Variants in DAB1 observed in about 807,000 individuals in gnomAD.
DAB1 encodes the protein disabled homolog 1.
A neutral mutation model predicts 64.6 loss-of-function variants in DAB1; 15 were observed. The ratio of observed to expected loss-of-function variants is 0.23; its 90% CI spans 0.16 to 0.36. The LOEUF is 0.36. Ranked by LOEUF, DAB1 falls within the 10% of genes least tolerant of loss-of-function variation. DAB1 has a pLI of 1.00. For synonymous variants in DAB1, 235 were observed against 251.9 expected (o/e 0.93, Z 0.64); for missense variants, 596 against 706.7 (o/e 0.84, Z 1.78).
At chr1:57,739,331 T>G (rs1457562734) in intron 6 of DAB1, among the ~76,000 whole-genome samples, 2 of 151,652 alleles carry the variant, frequency 1.3e-5, no homozygotes, top group African/African-American at 4.8e-5. Context: ...TTTCTGTTAC[T>G]ATCTTTCTCA....
At chr1:58,021,968 G>A (rs1646821662) in intron 5 of DAB1, among the ~76,000 whole-genome samples, 2 of 152,150 alleles carry the variant, frequency 1.3e-5, no homozygotes, top group African/African-American at 4.8e-5. Flanking sequence ...CTCTTATAAA[G>A]CTATTCCTGA....
intron 2 of DAB1, among the ~76,000 whole-genome samples, chr1:57,204,126 G>A (rs1057168296): frequency 2.0e-5 from 3 of 152,112 alleles, no homozygotes; most frequent in African/African-American, 7.2e-5. Flanking sequence ...CTGACCTCAA[G>A]TGGTCTGCCC....
intron 3 of DAB1, among the ~76,000 whole-genome samples, chr1:58,350,683 C>T (rs191994381): frequency 4.5e-4 from 69 of 152,218 alleles, no homozygotes; most frequent in African/African-American, 1.6e-3. Context: ...TATGCCTAGC[C>T]AGTTTTCCCA....
At chr1:57,994,315 C>G (rs1646393287) in intron 5 of DAB1, among the ~76,000 whole-genome samples, 2 of 152,168 alleles carry the variant, frequency 1.3e-5, no homozygotes, top group African/African-American at 4.8e-5. Context: ...AGGAAAGAAT[C>G]TGAGATCAGA....
At chr1:58,164,388 C>A (rs1655709663) in intron 4 of DAB1, among the ~76,000 whole-genome samples, 1 of 152,088 alleles carries the variant, frequency 6.6e-6, no homozygotes, top group Non-Finnish European at 1.5e-5. Flanking sequence ...GAGTATGTGT[C>A]AGCAAAGAAC....
intron 6 of DAB1, among the ~76,000 whole-genome samples, chr1:57,762,456 C>A (rs1295763731): frequency 3.3e-5 from 5 of 151,914 alleles, no homozygotes; most frequent in Non-Finnish European, 5.9e-5. Context: ...CTAAACTAAA[C>A]GGGGAGGCAA....
downstream of DAB1, among the ~76,000 whole-genome samples, chr1:57,823,221 G>A (rs1652199355): frequency 6.6e-6 from 1 of 152,036 alleles, no homozygotes; most frequent in South Asian, 2.1e-4. Flanking sequence ...CTGACCTCGT[G>A]ATCCGCCCAC....
At chr1:57,778,779 G>A (rs528348452) in intron 6 of DAB1, among the ~76,000 whole-genome samples, 4 of 152,172 alleles carry the variant, frequency 2.6e-5, no homozygotes, top group South Asian at 2.1e-4. Context: ...TGTAATGACT[G>A]TGTGATCTAA....
intron 7 of DAB1, among the ~76,000 whole-genome samples, chr1:57,484,169 G>C (rs1644060753): frequency 6.6e-6 from 1 of 152,126 alleles, no homozygotes; most frequent in Non-Finnish European, 1.5e-5. Context: ...ATCAAGTGCT[G>C]AGTCACCATC....
chr1:57,682,053 G>A (rs977983648), intron 6 of DAB1, among the ~76,000 whole-genome samples: 15 of 152,228 alleles, frequency 9.9e-5, no homozygotes, highest in Middle Eastern at 3.4e-3. Context: ...TAGGCAGCCA[G>A]GGGTGATTAG....
chr1:57,456,714 T>G (rs1346607470), intron 7 of DAB1, among the ~76,000 whole-genome samples: 1 of 152,088 alleles, frequency 6.6e-6, no homozygotes, highest in Admixed American at 6.6e-5. Flanking sequence ...ATTGAGTTAT[T>G]TTAAAATATA....
chr1:57,791,774 T>C (rs1032448291), intron 6 of DAB1, among the ~76,000 whole-genome samples: 9 of 152,252 alleles, frequency 5.9e-5, no homozygotes, highest in Admixed American at 5.9e-4. Flanking sequence ...CCACTGACAG[T>C]CCAGAGATGC....
At chr1:58,107,773 C>T (rs1374157399) in intron 5 of DAB1, among the ~76,000 whole-genome samples, 3 of 151,888 alleles carry the variant, frequency 2.0e-5, no homozygotes, top group East Asian at 2.0e-4. Context: ...CCTGCCACCA[C>T]GCCCAGCTGA....
intron 2 of DAB1, among the ~76,000 whole-genome samples, chr1:57,226,672 A>AAAAAAATATATAT (rs747021990): frequency 4.7e-4 from 64 of 135,986 alleles, no homozygotes; most frequent in African/African-American, 1.9e-3. Flanking sequence ...TTAAAAAAAA[A>AAAAAAATATATAT]ATATATATAT....
intron 4 of DAB1, among the ~76,000 whole-genome samples, chr1:57,118,547 T>C (rs996600048): frequency 6.6e-6 from 1 of 152,198 alleles, no homozygotes; most frequent in Non-Finnish European, 1.5e-5. Flanking sequence ...AGGACCAATG[T>C]ATGAAGTTAA....
chr1:58,237,146 G>A (rs1660078609), intron 4 of DAB1, among the ~76,000 whole-genome samples: 1 of 152,190 alleles, frequency 6.6e-6, no homozygotes. Context: ...TGCAGGAGGA[G>A]AAACAGGCAC....
intron 4 of DAB1, among the ~76,000 whole-genome samples, chr1:58,164,673 G>GAT (rs1399445724): frequency 6.6e-6 from 1 of 152,204 alleles, no homozygotes; most frequent in African/African-American, 2.4e-5. Context: ...AGTGAGATGA[G>GAT]TGTTGGGACA....
Position 56,995,126 on chromosome 1 carries a change from A to C in DAB1, c.*3018T>G, listed in dbSNP as rs1240458260. On this transcript the variant is annotated 3_prime_UTR_variant, in exon 15 of 15. Coordinates refer to ENST00000371236, the MANE Select transcript of DAB1 (RefSeq NM_001365792.1). ...ACTGGGATGAGTACGAGCTATCAAA[A>C]AAGTCTTGCGGCATGTAAAGATTGA... 6.6e-6 allele frequency: 1 copy of C among 152,256 alleles called. No individual in the cohort carries two copies. The highest frequency in any genetic ancestry group is 1.5e-5 in the Non-Finnish European group (1 of 68,048). The allele number at this position is 152,256 out of a possible 1,614,324, so 9.4% of individuals were successfully genotyped here.
chr1:57,382,709 G>A (rs552272306), intron 1 of DAB1, among the ~76,000 whole-genome samples: 4 of 152,200 alleles, frequency 2.6e-5, no homozygotes, highest in East Asian at 1.9e-4. Context: ...CTTTGCAGCC[G>A]GGGAAAGGTT....
Sources: allele counts gnomAD v4.1 joint callset (sites outside exome capture counted in the v4.1 genomes callset), GRCh38; gene constraint gnomAD v4.1.1; transcripts MANE v1.5; gene names NCBI Gene and HGNC (gene_info 2026-07-23, HGNC 2026-07-21).